The following MALRD1 variants were observed in gnomAD, a reference collection of about 807,000 sequenced individuals.
MALRD1 encodes MAM and LDL receptor class A domain containing 1, also known as MAM and LDL-receptor class A domain-containing protein 1.
A neutral mutation model predicts 242.1 loss-of-function variants in MALRD1; 247 were observed. That is an observed-to-expected ratio of 1.02 (90% confidence interval 0.92 to 1.13). The LOEUF (loss-of-function observed/expected upper bound fraction) is 1.13, where lower values mean the gene tolerates loss of function less well. Among genes scored for constraint, MALRD1 ranks in the 50% most tolerant of loss-of-function variants. The pLI, the probability that MALRD1 is intolerant of heterozygous loss-of-function variation, is 0.00. For missense variants in MALRD1, 2,989 were observed against 2,533.1 expected (o/e 1.18, Z -3.86); for synonymous variants, 995 against 866.6 (o/e 1.15, Z -2.60).
intron 19 of MALRD1, among the ~76,000 whole-genome samples, chr10:19,264,205 C>T (rs922493286): frequency 6.6e-6 from 1 of 152,024 alleles, no homozygotes; most frequent in African/African-American, 2.4e-5. Flanking sequence ...GATTTTAAGC[C>T]TTCATTCTGT....
chr10:19,442,247 G>A (rs1267979463), intron 28 of MALRD1, among the ~76,000 whole-genome samples: 2 of 152,094 alleles, frequency 1.3e-5, no homozygotes, highest in Non-Finnish European at 2.9e-5. Flanking sequence ...AGACGATGGG[G>A]TTTTCTAAAT....
intron 21 of MALRD1, among the ~76,000 whole-genome samples, chr10:19,296,565 A>C (rs559665471): frequency 2.1e-4 from 32 of 152,226 alleles, no homozygotes; most frequent in African/African-American, 4.1e-4. Flanking sequence ...TTTCCTCAGC[A>C]CTTAAGTGTT....
intron 29 of MALRD1, among the ~76,000 whole-genome samples, chr10:19,473,129 C>T (rs1394449967): frequency 4.4e-5 from 2 of 45,506 alleles, no homozygotes; most frequent in Non-Finnish European, 9.2e-5. Context: ...TTATCCTCAA[C>T]TTAAATTTTG....
intron 30 of MALRD1, among the ~76,000 whole-genome samples, chr10:19,492,920 C>T (rs1269284306): frequency 6.6e-6 from 1 of 152,022 alleles, no homozygotes; most frequent in Admixed American, 6.5e-5. Flanking sequence ...TTCTTAGGAT[C>T]TTATACTGAT....
chr10:19,352,834 C>A (rs1490743714), intron 26 of MALRD1, among the ~76,000 whole-genome samples: 2 of 151,970 alleles, frequency 1.3e-5, no homozygotes, highest in African/African-American at 2.4e-5. Flanking sequence ...GTTGAGTTGG[C>A]AGATGTTCAG....
chr10:19,728,628 C>T (rs1034767640), intron 38 of MALRD1: 2 of 152,324 alleles, frequency 1.3e-5, no homozygotes, highest in African/African-American at 4.8e-5. Context: ...TGATTTCATG[C>T]CTGATTTCAG....
chr10:19,347,900 A>C lies in MALRD1; in HGVS notation c.4031A>C (p.His1344Pro). 6.4e-7 allele frequency: 1 copy of C among 1,550,408 alleles called. No homozygotes were observed. The highest frequency in any genetic ancestry group is 8.7e-7 in the Non-Finnish European group (1 of 1,146,850). Reference sequence around the variant, plus strand: ...GCAGGCACAGAGCCAGCAGCAGATCACACTTTGGGAAATTCATCTGGTCAT... The same window carrying C: ...GCAGGCACAGAGCCAGCAGCAGATCCCACTTTGGGAAATTCATCTGGTCAT... ...PAAGTEPAADHTLGNSSGHYI... is the reference protein window; with the variant it reads ...PAAGTEPAADPTLGNSSGHYI... The change falls in exon 25 of 40, where the codon CAC becomes CCC. Residue 1344 changes from histidine to proline, a missense_variant. His to Pro is a moderately conservative substitution (Grantham distance 77, BLOSUM62 -2). Coordinates refer to ENST00000454679, the MANE Select transcript of MALRD1 (RefSeq NM_001142308.3).
intron 28 of MALRD1, among the ~76,000 whole-genome samples, chr10:19,405,348 A>G (rs1260263710): frequency 2.0e-5 from 3 of 152,128 alleles, no homozygotes; most frequent in African/African-American, 7.2e-5. Context: ...TTATTTTTAT[A>G]TCTACCACAG....
intron 26 of MALRD1, among the ~76,000 whole-genome samples, chr10:19,358,145 T>C (rs1844717415): frequency 6.6e-6 from 1 of 151,814 alleles, no homozygotes; most frequent in South Asian, 2.1e-4. Context: ...TCTCTACTTA[T>C]TGACATATAT....
intron 10 of MALRD1, among the ~76,000 whole-genome samples, chr10:19,139,295 C>T (rs1459334453): frequency 6.6e-6 from 1 of 152,084 alleles, no homozygotes; most frequent in Non-Finnish European, 1.5e-5. Context: ...AAGAGGCTTT[C>T]CTTTGAAATT....
intron 28 of MALRD1, among the ~76,000 whole-genome samples, chr10:19,434,060 G>T (rs1354985864): frequency 6.6e-6 from 1 of 152,206 alleles, no homozygotes; most frequent in Admixed American, 6.6e-5. Context: ...TACTAAGTAT[G>T]CTTTCTACCT....
At chr10:19,597,177 A>G (rs1165485391) in intron 34 of MALRD1, among the ~76,000 whole-genome samples, 1 of 152,200 alleles carries the variant, frequency 6.6e-6, no homozygotes, top group Non-Finnish European at 1.5e-5. Flanking sequence ...GAAACAAGGT[A>G]AGCAAATGGA....
At chr10:19,487,256 A>G (rs1837274391) in intron 29 of MALRD1, among the ~76,000 whole-genome samples, 1 of 152,096 alleles carries the variant, frequency 6.6e-6, no homozygotes, top group Admixed American at 6.5e-5. Context: ...TGGCTGAATA[A>G]AAAATATAAA....
chr10:19,467,392 CA>C (rs71387079), intron 29 of MALRD1, among the ~76,000 whole-genome samples: 22 of 53,762 alleles, frequency 4.1e-4, no homozygotes, highest in Non-Finnish European at 4.9e-4. Context: ...GACTCCGTCT[CA>C]AAAAAAAAAA....
intron 34 of MALRD1, among the ~76,000 whole-genome samples, chr10:19,596,739 AAAAAG>A (rs10699326): frequency 1.7e-4 from 25 of 147,618 alleles, no homozygotes; most frequent in East Asian, 4.1e-4. Flanking sequence ...ACTCTGTCTC[AAAAAG>A]AAAAGAAAAG....
intron 21 of MALRD1, among the ~76,000 whole-genome samples, chr10:19,307,572 G>A (rs531762680): frequency 1.3e-5 from 2 of 151,626 alleles, no homozygotes; most frequent in African/African-American, 2.4e-5. Context: ...ATTTCTTAAG[G>A]AAACAGACTG....
intron 36 of MALRD1, among the ~76,000 whole-genome samples, chr10:19,644,311 A>G (rs1840550376): frequency 1.3e-5 from 2 of 152,168 alleles, no homozygotes; most frequent in South Asian, 4.1e-4. Context: ...TCTCTTCCTG[A>G]GCTCATTTTA....
intron 29 of MALRD1, among the ~76,000 whole-genome samples, chr10:19,463,389 CTG>C (rs1836044065): frequency 1.7e-4 from 1 of 5,980 alleles, no homozygotes; most frequent in African/African-American, 3.7e-4. Context: ...AATGCATCCT[CTG>C]CATCCTCTGC....
chr10:19,070,186 A>G (rs972711265), intron 2 of MALRD1, among the ~76,000 whole-genome samples: 1 of 152,156 alleles, frequency 6.6e-6, no homozygotes, highest in Non-Finnish European at 1.5e-5. Flanking sequence ...TCCTCAAATT[A>G]TAATAGGATT....
Sources: allele counts gnomAD v4.1 joint callset (sites outside exome capture counted in the v4.1 genomes callset), GRCh38; gene constraint gnomAD v4.1.1; transcripts MANE v1.5; gene names NCBI Gene and HGNC (gene_info 2026-07-23, HGNC 2026-07-21).